Variants in PCDHGA4 observed in about 807,000 individuals in gnomAD.
PCDHGA4 encodes the protein protocadherin gamma subfamily A, 4.
A neutral mutation model predicts 54.6 loss-of-function variants in PCDHGA4; 38 were observed. That is an observed-to-expected ratio of 0.70 (90% CI 0.54 to 0.91). The LOEUF (loss-of-function observed/expected upper bound fraction) is 0.91. Among genes scored for constraint, PCDHGA4 ranks in the 40% least tolerant of loss-of-function variants. The pLI is 0.00. For missense variants in PCDHGA4, 1,298 were observed against 1,220.9 expected (o/e 1.06, Z -0.94); for synonymous variants, 511 against 512.9 (o/e 1.00, Z 0.05).
chr5:141,414,533 C>T, intron 1 of PCDHGA4: 1 of 1,613,960 alleles, frequency 6.2e-7, no homozygotes, highest in Non-Finnish European at 8.5e-7. Flanking sequence ...AATGACAACC[C>T]ACCTACCTTC....
intron 2 of PCDHGA4, among the ~76,000 whole-genome samples, chr5:141,500,682 G>A (rs1661676761): frequency 6.6e-6 from 1 of 152,044 alleles, no homozygotes; most frequent in African/African-American, 2.4e-5. Context: ...CAGAATTATA[G>A]CTTTTTTCTT....
At chr5:141,467,748 G>A (rs186276272) in intron 1 of PCDHGA4, among the ~76,000 whole-genome samples, 22 of 151,912 alleles carry the variant, frequency 1.4e-4, no homozygotes, top group South Asian at 2.1e-4. Context: ...TGCAACCTCC[G>A]CCTCACATGC....
Position 141,477,626 on chromosome 5 carries a change from G to C in PCDHGA4, c.2515-17181G>C. The C allele has an allele frequency of 1.2e-6, 2 of 1,614,170 alleles. No homozygotes were observed. Among genetic ancestry groups the C allele is most frequent in the Non-Finnish European group, 1.7e-6 (2 of 1,180,036 alleles). ...TCTCTTGGAGCAAGGAGCTGAAACCGGGCTAGTGGGTCGCTATTTCACAAT... is the reference window on the plus strand; with the variant it reads ...TCTCTTGGAGCAAGGAGCTGAAACCCGGCTAGTGGGTCGCTATTTCACAAT... On this transcript the variant is annotated intron_variant, in intron 1 of 3. Transcript: ENST00000571252. The surrounding 1 kb of genome is among the most constrained non-coding windows in gnomAD (Gnocchi z 4.9).
At chr5:141,372,956 T>C in intron 1 of PCDHGA4, 1 of 730,732 alleles carries the variant, frequency 1.4e-6, no homozygotes, top group Non-Finnish European at 2.1e-6. Flanking sequence ...GGAAATTCTT[T>C]GTAGAATTTC....
intron 1 of PCDHGA4, chr5:141,375,556 G>A (rs750283278): frequency 2.9e-5 from 47 of 1,614,044 alleles, no homozygotes; most frequent in Non-Finnish European, 4.0e-5. Context: ...CCTACTCACT[G>A]GCAGAAGACA....
Position 141,370,495 on chromosome 5 carries a change from G to A in PCDHGA4, c.2514+12874G>A, listed in dbSNP as rs1766967329. The stretch of plus-strand genomic sequence containing the variant: ...GACCAGGCTCTCTCCGAACCGATCC[G>A]CTACGCTATTCCCGAGGAGCTGGAC... On this transcript the variant is annotated intron_variant, in intron 1 of 3. Transcript: ENST00000571252. The A allele has an allele frequency of 3.1e-6, 5 of 1,613,782 alleles. No individual in the cohort carries two copies. Among genetic ancestry groups the A allele is most frequent in the African/African-American group, 1.3e-5 (1 of 74,914 alleles).
chr5:141,426,971 G>A, intron 1 of PCDHGA4: 1 of 456,732 alleles, frequency 2.2e-6, no homozygotes, highest in South Asian at 1.5e-5. Context: ...TTCAAATTGA[G>A]GTCACTGATG....
chr5:141,472,263 C>T (rs978647191), intron 1 of PCDHGA4, among the ~76,000 whole-genome samples: 7 of 152,144 alleles, frequency 4.6e-5, no homozygotes, highest in South Asian at 2.1e-4. Flanking sequence ...ATATTATAGC[C>T]GGGCACAGTG....
chr5:141,371,060 A>ATC (rs751376669), intron 1 of PCDHGA4: 2 of 1,613,980 alleles, frequency 1.2e-6, no homozygotes, highest in South Asian at 2.2e-5. Context: ...AGCCCTCCAG[A>ATC]AGCTGTACCA....
intron 1 of PCDHGA4, chr5:141,417,540 A>G (rs1301087527): frequency 2.0e-5 from 6 of 301,520 alleles, no homozygotes; most frequent in Non-Finnish European, 3.6e-5. Context: ...TTTAAAAAAA[A>G]TTCCTTGAAA....
intron 1 of PCDHGA4, chr5:141,420,969 A>G (rs2096536141): frequency 2.3e-6 from 1 of 443,064 alleles, no homozygotes; most frequent in Admixed American, 4.0e-5. Flanking sequence ...TTGCAATAAT[A>G]AGAATGGGCT....
intron 1 of PCDHGA4, chr5:141,399,710 T>C: frequency 6.2e-7 from 1 of 1,613,346 alleles, no homozygotes; most frequent in South Asian, 1.1e-5. Flanking sequence ...GAACTCACAC[T>C]ACAGGCCCGC....
Position 141,414,286 on chromosome 5 carries a change from G to T in PCDHGA4, c.2514+56665G>T, listed in dbSNP as rs2095728607. On this transcript the variant is annotated intron_variant, in intron 1 of 3. Transcript: ENST00000571252. Reference sequence around the variant, plus strand: ...AGATTCACCTCTGGGAACAGTCGTAGCCCTTTTAAATGTGCATGATTTAGA... The same window carrying T: ...AGATTCACCTCTGGGAACAGTCGTATCCCTTTTAAATGTGCATGATTTAGA... 1.2e-6 allele frequency: 2 copies of T among 1,613,466 alleles called. No homozygotes were observed. The highest frequency in any genetic ancestry group is 1.7e-6 in the Non-Finnish European group (2 of 1,179,778).
At chr5:141,410,701 A>C in intron 1 of PCDHGA4, 2 of 1,471,660 alleles carry the variant, frequency 1.4e-6, no homozygotes, top group Non-Finnish European at 9.1e-7. Context: ...TTATTTTCAT[A>C]TCTAGAATCA....
rs1023379892 is a variant in PCDHGA4 at position 141,475,927 on chromosome 5, G to T, written c.2515-18880G>T. 1.3e-4 allele frequency: 80 copies of T among 628,362 alleles called. No individual in the cohort carries two copies. In the African/African-American group the frequency reaches 1.4e-3, roughly 11 times the overall value. The allele number at this position is 628,362 out of a possible 1,614,324, so 38.9% of individuals were successfully genotyped here. ...CGGCCAATGAAGACGCTGGAGATCG[G>T]GCCCCTGCCCGTCCCCTTTCTGCGC... On this transcript the variant is annotated intron_variant, in intron 1 of 3. Coordinates refer to ENST00000571252, the MANE Select transcript of PCDHGA4 (RefSeq NM_018917.4).
At position 141,356,331 on chromosome 5, in the gene PCDHGA4, A is replaced by G; in HGVS notation, c.1224A>G (p.Gly408=). 1 of 1,554,420 alleles carries G rather than the reference A, an allele frequency of 6.4e-7. No homozygotes were observed. Among genetic ancestry groups the G allele is most frequent in the African/African-American group, 1.4e-5 (1 of 73,236 alleles). The change falls in exon 1 of 4, where the codon GGA becomes GGG. Residue 408 remains glycine, a synonymous_variant. Transcript: ENST00000571252. ...TCAACGTGCATGACAGTGACTCAGG[A>G]GGAAATGGCCTAGTCACATGTTCTA... ...ALFNVHDSDS[G]GNGLVTCSIP... is the part of the protein sequence containing the mutation.
intron 1 of PCDHGA4, chr5:141,475,814 TC>T: frequency 3.0e-6 from 1 of 338,520 alleles, no homozygotes; most frequent in Non-Finnish European, 5.4e-6. Flanking sequence ...AAAGTGAAGT[TC>T]CTGGCGCTAG....
chr5:141,383,312 T>C (rs1271523069), intron 1 of PCDHGA4: 1 of 1,613,832 alleles, frequency 6.2e-7, no homozygotes, highest in Admixed American at 1.7e-5. Flanking sequence ...ACGGAAGAAA[T>C]AAATGTAAAA....
intron 1 of PCDHGA4, among the ~76,000 whole-genome samples, chr5:141,368,493 C>G (rs1765685117): frequency 1.3e-5 from 2 of 152,068 alleles, no homozygotes; most frequent in South Asian, 4.1e-4. Flanking sequence ...AGAATCTATA[C>G]AGTAGGTGTC....
Sources: allele counts gnomAD v4.1 joint callset (sites outside exome capture counted in the v4.1 genomes callset), GRCh38; gene constraint gnomAD v4.1.1; non-coding constraint Gnocchi (gnomAD v3.1); transcripts MANE v1.5; gene names NCBI Gene and HGNC (gene_info 2026-07-23, HGNC 2026-07-21).